NR2C2: variants seen among roughly 807,000 people sequenced by gnomAD.
NR2C2 encodes nuclear receptor subfamily 2 group C member 2.
In NR2C2, 6 loss-of-function variants were observed where a neutral mutation model predicts 62.9. The ratio of observed to expected loss-of-function variants is 0.10; its 90% CI spans 0.05 to 0.19. The LOEUF is 0.19. Ranked by LOEUF, NR2C2 falls within the 10% of genes least tolerant of loss-of-function variation. The pLI is 1.00. For synonymous variants in NR2C2, 272 were observed against 273.8 expected, an observed-to-expected ratio of 0.99 and a Z score of 0.07; for missense variants, 479 against 762.7, an observed-to-expected ratio of 0.63 and a Z score of 4.38.
intron 2 of NR2C2, 77 bp downstream of exon 2, chr3:15,004,063 AC>A (rs2041098222): frequency 1.6e-6 from 2 of 1,229,676 alleles, no homozygotes. Flanking sequence ...TAAGGGTTTC[AC>A]TAAAGAGTTG....
chr3:14,976,281 A>G (rs955352308), intron 1 of NR2C2, among the ~76,000 whole-genome samples: 2 of 152,170 alleles, frequency 1.3e-5, no homozygotes, highest in African/African-American at 4.8e-5. Flanking sequence ...TCAGTGCCAT[A>G]TACTCCCACA....
intron 5 of NR2C2, among the ~76,000 whole-genome samples, chr3:15,021,516 G>GT (rs1214081703): frequency 6.6e-6 from 1 of 152,170 alleles, no homozygotes; most frequent in Non-Finnish European, 1.5e-5. Flanking sequence ...AATTTTGGGG[G>GT]TTTTCAGGGA....
rs1233574198 is a variant in NR2C2, at chr3:15,043,799, T to A, written c.*791T>A. 1.3e-5 allele frequency: 2 copies of A among 152,248 alleles called. No homozygotes were observed. The highest frequency in any genetic ancestry group is 4.8e-5 in the African/African-American group (2 of 41,466). The allele number at this position is 152,248 out of a possible 1,614,324, so 9.4% of individuals were successfully genotyped here. On this transcript the variant is annotated 3_prime_UTR_variant, in exon 14 of 14. Transcript: ENST00000425241. ...CTGCAGACTCCTCTAGAACCTGGGG[T>A]TCTCCTTTGATGACTGGTTATCTGA... is the stretch of plus-strand genomic sequence containing the variant.
At chr3:15,003,572 C>T (rs909605032) in intron 1 of NR2C2, among the ~76,000 whole-genome samples, 1 of 152,184 alleles carries the variant, frequency 6.6e-6, no homozygotes, top group Admixed American at 6.5e-5. Flanking sequence ...CAAAGATCAT[C>T]TTTAAAATGT....
chr3:15,007,641 C>T (rs905808686), intron 2 of NR2C2, among the ~76,000 whole-genome samples: 3 of 152,058 alleles, frequency 2.0e-5, no homozygotes, highest in African/African-American at 7.2e-5. Context: ...CAGAGTAGCC[C>T]CTCAGTAAAT....
intron 1 of NR2C2, among the ~76,000 whole-genome samples, chr3:14,996,507 G>T (rs961612649): frequency 1.3e-5 from 2 of 152,174 alleles, no homozygotes; most frequent in African/African-American, 4.8e-5. Flanking sequence ...CCATAAAGTA[G>T]TAACAATATG....
At chr3:15,011,623 C>T (rs921470902) in intron 2 of NR2C2, among the ~76,000 whole-genome samples, 1 of 152,174 alleles carries the variant, frequency 6.6e-6, no homozygotes, top group Admixed American at 6.5e-5. Context: ...CTTTCATTCC[C>T]TCCAAATCCA....
intron 7 of NR2C2, among the ~76,000 whole-genome samples, chr3:15,025,252 G>A (rs369664003): frequency 6.6e-6 from 1 of 152,330 alleles, no homozygotes; most frequent in East Asian, 1.9e-4. Context: ...ATTCTATTGG[G>A]CCATCCACAC....
intron 9 of NR2C2, among the ~76,000 whole-genome samples, chr3:15,031,878 G>A (rs548859213): frequency 4.3e-4 from 66 of 152,090 alleles, no homozygotes; most frequent in African/African-American, 1.3e-3. Flanking sequence ...ACAGGTGCAT[G>A]CCACCACACC....
At chr3:15,031,919 G>C (rs2041990984) in intron 9 of NR2C2, among the ~76,000 whole-genome samples, 1 of 151,860 alleles carries the variant, frequency 6.6e-6, no homozygotes, top group Non-Finnish European at 1.5e-5. Flanking sequence ...AATAGAGACA[G>C]GGTTTCATTA....
In NR2C2 at chr3:14,955,481, T is replaced by A. The variant is rs150011448; in HGVS notation, c.-40+7575T>A. Among the ~76,000 whole-genome samples, 115 of 152,268 alleles carry A rather than the reference T, an allele frequency of 7.6e-4. No individual in the cohort carries two copies. In the East Asian group the frequency reaches 0.015, roughly 19 times the overall value. On this transcript the variant is annotated intron_variant, in intron 1 of 13. Transcript: ENST00000425241. ...GACTTCCTTTTTTCTGGGAAATTAT[T>A]TTGAAGGGCACTGTGATCTAGAGGG...
chr3:15,040,543 G>GC (rs1575046839), intron 13 of NR2C2, among the ~76,000 whole-genome samples: 1 of 152,098 alleles, frequency 6.6e-6, no homozygotes, highest in Non-Finnish European at 1.5e-5. Flanking sequence ...AAATGATTTT[G>GC]CCCCCCAGCA....
At chr3:15,003,746 T>C (rs1437295743) in intron 1 of NR2C2, 130 bp from the exon 2 acceptor site, 2 of 585,802 alleles carry the variant, frequency 3.4e-6, no homozygotes, top group East Asian at 6.3e-5. Flanking sequence ...ATCATCCTTC[T>C]GGGTCCATAC....
intron 13 of NR2C2, 59 bp from the exon 14 acceptor site, chr3:15,042,775 T>C: frequency 2.0e-6 from 3 of 1,534,030 alleles, no homozygotes; most frequent in Non-Finnish European, 2.7e-6. Context: ...GAGCCTTTGC[T>C]GAGCTGTGGT....
chr3:14,978,925 C>T (rs2040284197), intron 1 of NR2C2, among the ~76,000 whole-genome samples: 1 of 152,138 alleles, frequency 6.6e-6, no homozygotes, highest in African/African-American at 2.4e-5. Context: ...TCAACCAGTC[C>T]TCTGGTTTAG....
chr3:14,981,520 A>G (rs974445707), intron 1 of NR2C2, among the ~76,000 whole-genome samples: 1 of 150,362 alleles, frequency 6.7e-6, no homozygotes, highest in East Asian at 2.0e-4. Context: ...GGAGAATGGC[A>G]TGAACCCAGG....
chr3:14,949,879 T>C (rs1052219316), intron 1 of NR2C2, among the ~76,000 whole-genome samples: 6 of 152,260 alleles, frequency 3.9e-5, no homozygotes, highest in Non-Finnish European at 8.8e-5. Flanking sequence ...GAGATATTTA[T>C]ACACATACAT....
rs2042463748 is a variant in NR2C2, at chr3:15,046,678, G to A, written c.*3670G>A. The stretch of plus-strand genomic sequence containing the variant: ...TGTAAATGACTTTATGTGCAATGGG[G>A]TCATAGGTAACATTTTAACTCTTTT... On this transcript the variant is annotated 3_prime_UTR_variant, in exon 14 of 14. Transcript: ENST00000425241. 6.6e-6 allele frequency: 1 copy of A among 152,406 alleles called. No individual in the cohort carries two copies. The highest frequency in any genetic ancestry group is 2.4e-5 in the African/African-American group (1 of 41,458). 9.4% of individuals were successfully genotyped at this position (152,406 alleles called of 1,614,324 possible). A position where few individuals can be genotyped will look rare whatever the true frequency, so the allele number is the denominator to read the frequency against.
intron 11 of NR2C2, among the ~76,000 whole-genome samples, chr3:15,037,239 GTTTT>G (rs1491514104): frequency 6.7e-6 from 1 of 149,450 alleles, no homozygotes; most frequent in Non-Finnish European, 1.5e-5. Flanking sequence ...GTGTGTGTGT[GTTTT>G]TGTTTTTTGT....
Sources: gnomAD v4.1 joint callset for allele counts (sites outside exome capture counted in the v4.1 genomes callset) on GRCh38, gnomAD v4.1.1 for gene constraint, MANE v1.5 for transcripts, NCBI Gene and HGNC (gene_info 2026-07-23, HGNC 2026-07-21) for gene names.